SLC4A4: variants seen among roughly 807,000 people sequenced by gnomAD.
SLC4A4 encodes solute carrier family 4 member 4.
In SLC4A4, 27 loss-of-function variants were observed where a neutral mutation model predicts 111.5. That is an observed-to-expected ratio of 0.24 (90% confidence interval 0.18 to 0.33). The LOEUF (loss-of-function observed/expected upper bound fraction) is 0.33. Among genes scored for constraint, SLC4A4 ranks in the 10% least tolerant of loss-of-function variants. SLC4A4 has a pLI of 1.00. For synonymous variants in SLC4A4, 443 were observed against 463.4 expected (o/e 0.96, Z 0.57); for missense variants, 909 against 1,315.5 (o/e 0.69, Z 4.78).
In SLC4A4 at chr4:71,232,641, G is replaced by T. The variant is rs546899313; in HGVS notation, c.-1-3935G>T. Among the ~76,000 whole-genome samples, 68 of 152,216 alleles carry T rather than the reference G, an allele frequency of 4.5e-4. 1 individual carries two copies. The East Asian group carries it at 0.013, about 29-fold the overall frequency. ...TTGCCCAGGCTGGTCTGGAACTCCTGGCCTCAAGCAATCCTCCCACTCGGC... is the reference window on the plus strand; with the variant it reads ...TTGCCCAGGCTGGTCTGGAACTCCTTGCCTCAAGCAATCCTCCCACTCGGC... On this transcript the variant is annotated intron_variant, in intron 1 of 25. Coordinates refer to ENST00000264485, the MANE Select transcript of SLC4A4 (RefSeq NM_001098484.3).
intron 7 of SLC4A4, chr4:71,437,125 C>T: frequency 2.2e-6 from 1 of 462,902 alleles, no homozygotes; most frequent in Non-Finnish European, 4.3e-6. Flanking sequence ...TTTATCAGTT[C>T]CTATATCTGA....
chr4:71,190,390 AC>A (rs1745673365), intron 1 of SLC4A4, among the ~76,000 whole-genome samples: 1 of 17,754 alleles, frequency 5.6e-5, no homozygotes, highest in South Asian at 1.4e-3. Flanking sequence ...ATGTTTACAC[AC>A]ACACACACAC....
At chr4:71,182,351 G>A (rs941181416), upstream of SLC4A4, among the ~76,000 whole-genome samples, 10 of 152,128 alleles carry the variant, frequency 6.6e-5, no homozygotes, top group East Asian at 1.9e-4. Flanking sequence ...AGTGTTTTCC[G>A]TGAAGACATG....
intron 8 of SLC4A4, among the ~76,000 whole-genome samples, chr4:71,444,643 A>G (rs906396306): frequency 6.6e-6 from 1 of 152,218 alleles, no homozygotes; most frequent in Non-Finnish European, 1.5e-5. Flanking sequence ...TGAGTTTGGC[A>G]GGATGTACTT....
intron 2 of SLC4A4, among the ~76,000 whole-genome samples, chr4:71,101,929 T>C (rs1181217244): frequency 2.0e-5 from 3 of 152,098 alleles, no homozygotes; most frequent in South Asian, 4.2e-4. Flanking sequence ...GAGAATGACT[T>C]TGGCGAGCTG....
At chr4:71,567,162 C>T in intron 25 of SLC4A4, 79 bp downstream of exon 25, 1 of 1,125,838 alleles carries the variant, frequency 8.9e-7, no homozygotes, top group Non-Finnish European at 1.3e-6. Flanking sequence ...GGGTTATTGA[C>T]AGAACTTCTT....
At chr4:71,461,728 T>G (rs1726846383) in intron 12 of SLC4A4, among the ~76,000 whole-genome samples, 1 of 152,192 alleles carries the variant, frequency 6.6e-6, no homozygotes, top group Non-Finnish European at 1.5e-5. Flanking sequence ...GGACTTGTCC[T>G]AATTTCTTGA....
chr4:71,309,590 G>T (rs540928648), intron 3 of SLC4A4, among the ~76,000 whole-genome samples: 2 of 152,248 alleles, frequency 1.3e-5, no homozygotes, highest in Admixed American at 6.5e-5. Context: ...GAGGGGCCTG[G>T]CTGTTGGAAT....
chr4:71,238,115 T>C (rs180961627), intron 2 of SLC4A4, among the ~76,000 whole-genome samples: 1 of 152,310 alleles, frequency 6.6e-6, no homozygotes, highest in East Asian at 1.9e-4. Flanking sequence ...ATAATGTAGC[T>C]TTGAGCAAAT....
chr4:71,327,643 A>G (rs981102035), intron 3 of SLC4A4, among the ~76,000 whole-genome samples: 1 of 151,980 alleles, frequency 6.6e-6, no homozygotes, highest in African/African-American at 2.4e-5. Flanking sequence ...TTATAGTTTT[A>G]TCCATAGCAT....
intron 15 of SLC4A4, among the ~76,000 whole-genome samples, chr4:71,492,857 A>G (rs16845195): frequency 0.12 from 18,707 of 151,944 alleles, 1,436 homozygotes; most frequent in African/African-American, 0.22. Context: ...TCTGTACTCA[A>G]TGAAGATGAT....
intron 15 of SLC4A4, among the ~76,000 whole-genome samples, chr4:71,496,639 A>G (rs1446536271): frequency 6.6e-6 from 1 of 152,036 alleles, no homozygotes; most frequent in Non-Finnish European, 1.5e-5. Flanking sequence ...ACTCAGAGCA[A>G]CTGGGGGATG....
intron 18 of SLC4A4, among the ~76,000 whole-genome samples, chr4:71,534,781 TA>T (rs1264033990): frequency 6.6e-6 from 1 of 152,180 alleles, no homozygotes. Context: ...GGTTTATTCT[TA>T]AAGATTATTC....
chr4:71,301,002 C>T, intron 3 of SLC4A4: 1 of 454,568 alleles, frequency 2.2e-6, no homozygotes, highest in Non-Finnish European at 4.5e-6. Flanking sequence ...GAGTGGGGGC[C>T]CCCTACAGCC....
intron 2 of SLC4A4, among the ~76,000 whole-genome samples, chr4:71,121,953 G>A (rs1167964651): frequency 6.6e-6 from 1 of 152,040 alleles, no homozygotes; most frequent in Non-Finnish European, 1.5e-5. Flanking sequence ...CGGACGGGAG[G>A]AATGAACAAC....
intron 2 of SLC4A4, among the ~76,000 whole-genome samples, chr4:71,178,938 C>T (rs1465751315): frequency 1.3e-5 from 2 of 152,072 alleles, no homozygotes; most frequent in African/African-American, 4.8e-5. Flanking sequence ...TGATGAACAT[C>T]GATGCAAAAA....
intron 2 of SLC4A4, among the ~76,000 whole-genome samples, chr4:71,109,279 A>G (rs1056769540): frequency 7.3e-5 from 11 of 151,262 alleles, no homozygotes; most frequent in African/African-American, 2.7e-4. Context: ...CCATATATGT[A>G]GTTGCTTTTG....
chr4:71,107,130 A>G (rs905271811), intron 2 of SLC4A4, among the ~76,000 whole-genome samples: 1 of 151,994 alleles, frequency 6.6e-6, no homozygotes, highest in Non-Finnish European at 1.5e-5. Context: ...TATGTTATCT[A>G]TCTTGTAGAT....
chr4:71,332,388 A>G (rs533063158), intron 3 of SLC4A4, among the ~76,000 whole-genome samples: 17 of 151,312 alleles, frequency 1.1e-4, no homozygotes, highest in African/African-American at 3.9e-4. Context: ...GCTGTTTTCT[A>G]GATCTCACAG....
Sources: allele counts gnomAD v4.1 joint callset (sites outside exome capture counted in the v4.1 genomes callset), GRCh38; gene constraint gnomAD v4.1.1; transcripts MANE v1.5; gene names NCBI Gene and HGNC (gene_info 2026-07-23, HGNC 2026-07-21).